The following BFSP2 variants were observed in gnomAD, a reference collection of about 807,000 sequenced individuals.
The protein encoded by BFSP2 is phakinin.
In BFSP2, 38 loss-of-function variants were observed where a neutral mutation model predicts 44.9. That is an observed-to-expected ratio of 0.85 (90% CI 0.65 to 1.11). The LOEUF (loss-of-function observed/expected upper bound fraction) is 1.11, where lower values mean the gene tolerates loss of function less well. BFSP2 is among the 50% of genes least tolerant of loss of function. The pLI is 0.00. For missense variants in BFSP2, 525 were observed against 533.0 expected, an observed-to-expected ratio of 0.99 and a Z score of 0.15; for synonymous variants, 197 against 209.9, an observed-to-expected ratio of 0.94 and a Z score of 0.53.
At chr3:133,428,339 G>A (rs182895139) in intron 1 of BFSP2, among the ~76,000 whole-genome samples, 13,478 of 152,032 alleles carry the variant, frequency 0.089, 673 homozygotes, top group Middle Eastern at 0.19. Context: ...AAGCCAGGGC[G>A]CTGGGCTTTC....
intron 1 of BFSP2, among the ~76,000 whole-genome samples, chr3:133,438,288 A>G (rs1029558895): frequency 6.6e-6 from 1 of 152,238 alleles, no homozygotes; most frequent in African/African-American, 2.4e-5. Context: ...GCACTTTGGG[A>G]GGCCAAGGCA....
chr3:133,402,633 G>A (rs535075958), intron 1 of BFSP2, among the ~76,000 whole-genome samples: 1 of 150,876 alleles, frequency 6.6e-6, no homozygotes, highest in Middle Eastern at 3.4e-3. Context: ...ATAAAATGGA[G>A]TTATTATTTC....
chr3:133,409,186 C>A (rs1024507253), intron 1 of BFSP2, among the ~76,000 whole-genome samples: 2 of 151,762 alleles, frequency 1.3e-5, no homozygotes, highest in East Asian at 3.9e-4. Flanking sequence ...TTTCAGTAAT[C>A]ACATTGGTGG....
Position 133,466,816 on chromosome 3 carries a change from G to C in BFSP2, c.892-12G>C. 2 of 1,611,712 alleles carry C rather than the reference G, an allele frequency of 1.2e-6. No homozygotes were observed. The highest frequency in any genetic ancestry group is 1.8e-4 in the Middle Eastern group (1 of 5,484). On this transcript the variant is annotated splice_polypyrimidine_tract_variant and intron_variant, in intron 4 of 6. Coordinates refer to ENST00000302334, the MANE Select transcript of BFSP2 (RefSeq NM_003571.4). ...ATCATCACCGCTCACACTGAGACCT[G>C]ACTCTCCACAGCAACAGGCGGAGGT...
intron 1 of BFSP2, chr3:133,404,768 C>T (rs1485297737): frequency 2.0e-5 from 3 of 152,158 alleles, no homozygotes; most frequent in East Asian, 1.9e-4. Context: ...CACTGGGATC[C>T]GCAAATTATA....
At chr3:133,465,722 A>G (rs2074103175) in intron 4 of BFSP2, among the ~76,000 whole-genome samples, 1 of 152,224 alleles carries the variant, frequency 6.6e-6, no homozygotes, top group Non-Finnish European at 1.5e-5. Context: ...TGAGGGCGGT[A>G]TGGGACAACT....
intron 4 of BFSP2, among the ~76,000 whole-genome samples, chr3:133,459,714 T>A (rs1006463261): frequency 6.6e-6 from 1 of 152,184 alleles, no homozygotes; most frequent in African/African-American, 2.4e-5. Context: ...TTCTCCCAAA[T>A]AAATCCTACA....
chr3:133,425,360 C>T (rs569923962), intron 1 of BFSP2, among the ~76,000 whole-genome samples: 3 of 152,102 alleles, frequency 2.0e-5, no homozygotes, highest in South Asian at 2.1e-4. Context: ...GGATGTCAAC[C>T]GTAGGTCAAA....
intron 1 of BFSP2, among the ~76,000 whole-genome samples, chr3:133,403,092 C>G (rs2073375174): frequency 6.6e-6 from 1 of 152,156 alleles, no homozygotes; most frequent in Admixed American, 6.5e-5. Flanking sequence ...GAGGCCCCCA[C>G]CAGGCCCCCA....
intron 1 of BFSP2, among the ~76,000 whole-genome samples, chr3:133,444,616 C>G (rs569840885): frequency 8.5e-5 from 13 of 152,182 alleles, no homozygotes; most frequent in African/African-American, 2.4e-4. Context: ...CAGCAAAGGC[C>G]CCACCATGCT....
intron 4 of BFSP2, among the ~76,000 whole-genome samples, chr3:133,453,333 A>G (rs546106966): frequency 1.3e-5 from 2 of 152,380 alleles, no homozygotes; most frequent in Admixed American, 1.3e-4. Context: ...AAATGCAAGC[A>G]TGCATTTAAT....
intron 1 of BFSP2, among the ~76,000 whole-genome samples, chr3:133,428,277 G>A (rs114963424): frequency 0.06 from 9,163 of 152,092 alleles, 301 homozygotes; most frequent in African/African-American, 0.089. Context: ...AGGGAGGCAG[G>A]ACACAGAGGG....
intron 4 of BFSP2, among the ~76,000 whole-genome samples, chr3:133,460,212 A>G (rs914378111): frequency 4.6e-5 from 7 of 152,224 alleles, no homozygotes; most frequent in African/African-American, 1.7e-4. Flanking sequence ...TTCTCATTTA[A>G]TCTTCCCAAC....
At chr3:133,414,390 T>TCTCCC (rs2073487556) in intron 1 of BFSP2, among the ~76,000 whole-genome samples, 1 of 41,580 alleles carries the variant, frequency 2.4e-5, no homozygotes. Context: ...ACCCCTGCCG[T>TCTCCC]CTCTACTCAC....
chr3:133,425,492 A>G (rs1361838600), intron 1 of BFSP2, among the ~76,000 whole-genome samples: 1 of 152,224 alleles, frequency 6.6e-6, no homozygotes. Context: ...GGGCGAAAAC[A>G]TGGAGGGTCC....
intron 1 of BFSP2, among the ~76,000 whole-genome samples, chr3:133,444,877 C>G (rs1333005073): frequency 6.6e-6 from 1 of 152,188 alleles, no homozygotes; most frequent in African/African-American, 2.4e-5. Flanking sequence ...CTCCAATCCT[C>G]TCTTCCCACA....
chr3:133,424,039 C>CT (rs148089425), intron 1 of BFSP2, among the ~76,000 whole-genome samples: 27,772 of 140,920 alleles, frequency 0.2, 3,387 homozygotes, highest in African/African-American at 0.36. Flanking sequence ...TTCTCTTCTG[C>CT]TTTTTTTTTT....
chr3:133,408,050 A>G (rs2073418506), intron 1 of BFSP2, among the ~76,000 whole-genome samples: 1 of 152,326 alleles, frequency 6.6e-6, no homozygotes, highest in Admixed American at 6.5e-5. Flanking sequence ...AAAATGTTGC[A>G]TTTCAAAATA....
intron 1 of BFSP2, among the ~76,000 whole-genome samples, chr3:133,424,092 C>T (rs1165599124): frequency 2.0e-5 from 3 of 151,782 alleles, no homozygotes; most frequent in Non-Finnish European, 4.4e-5. Flanking sequence ...CACTCTGTCA[C>T]CCAGGCTGGA....
Sources: allele counts gnomAD v4.1 joint callset (sites outside exome capture counted in the v4.1 genomes callset), GRCh38; gene constraint gnomAD v4.1.1; transcripts MANE v1.5; gene names NCBI Gene and HGNC (gene_info 2026-07-23, HGNC 2026-07-21).